Variants in ABCC5 observed in about 807,000 individuals in gnomAD.
The protein encoded by ABCC5 is ATP-binding cassette sub-family C member 5.
ABCC5 carries 61 observed loss-of-function variants against 160.9 expected under a neutral mutation model. The ratio of observed to expected loss-of-function variants is 0.38; its 90% CI spans 0.31 to 0.47. ABCC5 has a LOEUF of 0.47. Among genes scored for constraint, ABCC5 ranks in the 20% least tolerant of loss-of-function variants. The probability of loss-of-function intolerance (pLI) is 0.99; values close to 1 mark genes in which losing one functional copy is unlikely to be tolerated. For synonymous variants in ABCC5, 666 were observed against 700.6 expected, an observed-to-expected ratio of 0.95 and a Z score of 0.78; for missense variants, 1,308 against 1,813.3, an observed-to-expected ratio of 0.72 and a Z score of 5.06.
At position 183,949,688 on chromosome 3, in the gene ABCC5, G is replaced by A. The variant is rs888063894; in HGVS notation, c.3227+65C>T. The A allele has an allele frequency of 4.6e-5, 72 of 1,580,206 alleles. 1 individual carries two copies. In the East Asian group the frequency reaches 7.0e-4, roughly 15 times the overall value. ...CATCTCTGGCCTTGAAGAGCCTCCC[G>A]GACAAGTATCAAACGCTGGGATGCT... is the stretch of plus-strand genomic sequence containing the variant. On this transcript the variant is annotated intron_variant, in intron 22 of 29. Coordinates refer to ENST00000334444, the MANE Select transcript of ABCC5 (RefSeq NM_005688.4). The surrounding 1 kb of genome is among the most constrained non-coding windows in gnomAD (Gnocchi z 4.2).
intron 10 of ABCC5, among the ~76,000 whole-genome samples, chr3:183,976,270 C>T (rs1235311259): frequency 6.6e-6 from 1 of 151,522 alleles, no homozygotes; most frequent in Non-Finnish European, 1.5e-5. Flanking sequence ...AAAACAAAAA[C>T]ACAGATAAGA....
In ABCC5 at chr3:183,982,983, C is replaced by G. The variant is rs779563922; in HGVS notation, c.616G>C (p.Glu206Gln). 3.1e-6 allele frequency: 5 copies of G among 1,614,182 alleles called. No individual in the cohort carries two copies. The highest frequency in any genetic ancestry group is 4.2e-6 in the Non-Finnish European group (5 of 1,180,036). The change falls in exon 6 of 30, where the codon GAG becomes CAG. Residue 206 changes from glutamate (E) to glutamine (Q), a missense_variant. This residue lies in a region of ABCC5 where 1,142 missense variants were observed against 1,527.1 expected (regional missense o/e 0.75). Transcript: ENST00000334444. This position sits in a 1 kb window ranked among gnomAD's most constrained non-coding sequence, Gnocchi z 5.2. ...GPAFMVKHLLEYTQATESNLQ... is the reference protein window; with the variant it reads ...GPAFMVKHLLQYTQATESNLQ... ...TTAGACTCTGTTGCCTGGGTATACT[C>G]CAAGAGGTGTTTCACCATGAAGGCC...
At position 183,923,350 on chromosome 3, in the gene ABCC5, C is replaced by G. The variant is rs191903107; in HGVS notation, c.4213-1949G>C. ...TTAAGAAAAAATTTCCAGCTGGGCA[C>G]AGTAGCTTGTGCCTGTAATCCCAGC... On this transcript the variant is annotated intron_variant, in intron 29 of 29. Coordinates refer to ENST00000334444, the MANE Select transcript of ABCC5 (RefSeq NM_005688.4). Among the ~76,000 whole-genome samples the G allele has an allele frequency of 2.0e-4, 30 of 152,230 alleles. 1 individual carries two copies. In the East Asian group the frequency reaches 5.4e-3, roughly 27 times the overall value.
intron 26 of ABCC5, among the ~76,000 whole-genome samples, chr3:183,935,415 C>T (rs1208498856): frequency 3.4e-5 from 5 of 144,986 alleles, no homozygotes; most frequent in Admixed American, 6.8e-5. Flanking sequence ...CTCCTGACCT[C>T]GTGATCCGCC....
At chr3:183,989,111 C>A in intron 3 of ABCC5, 115 bp downstream of exon 3, 1 of 1,038,572 alleles carries the variant, frequency 9.6e-7, no homozygotes. Context: ...GCGGAGGTTG[C>A]AGTGAGCCGA....
chr3:183,979,267 C>T (rs555074343), intron 8 of ABCC5, among the ~76,000 whole-genome samples: 36 of 151,780 alleles, frequency 2.4e-4, no homozygotes, highest in African/African-American at 8.2e-4. Flanking sequence ...ATTGCCTGAA[C>T]CTGGGAGGTG....
intron 26 of ABCC5, among the ~76,000 whole-genome samples, chr3:183,929,608 G>A (rs576704354): frequency 2.0e-5 from 3 of 152,232 alleles, no homozygotes; most frequent in East Asian, 3.9e-4. Flanking sequence ...GAGGAAGAAG[G>A]AGAGAAAGAA....
Position 183,937,892 on chromosome 3 carries a change from G to A in ABCC5, c.3854+9C>T. 6.2e-7 allele frequency: 1 copy of A among 1,613,872 alleles called. No homozygotes were observed. Among genetic ancestry groups the A allele is most frequent in the South Asian group, 1.1e-5 (1 of 91,038 alleles). ...GACGCACGAGACATGCAGGTGCTCA[G>A]GTCCTCACCTGACAGTGCCACTGAA... On this transcript the variant is annotated intron_variant, in intron 26 of 29. Transcript: ENST00000334444.
chr3:183,946,982 T>G (rs2108789937), intron 23 of ABCC5, among the ~76,000 whole-genome samples: 1 of 152,294 alleles, frequency 6.6e-6, no homozygotes, highest in South Asian at 2.1e-4. Context: ...CTTAGAAGAC[T>G]AGAAAGAGGC....
At chr3:184,004,525 A>AG (rs1721017057) in intron 2 of ABCC5, among the ~76,000 whole-genome samples, 1 of 151,842 alleles carries the variant, frequency 6.6e-6, no homozygotes, top group South Asian at 2.1e-4. Context: ...AAAAAAAAAA[A>AG]AAGGCCAAAA....
At position 183,978,592 on chromosome 3, in the gene ABCC5, C is replaced by T. The variant is rs1373336145; in HGVS notation, c.1207G>A (p.Val403Met). 1 of 1,614,108 alleles carries T rather than the reference C, an allele frequency of 6.2e-7. No homozygotes were observed. Among genetic ancestry groups the T allele is most frequent in the Admixed American group, 1.7e-5 (1 of 60,024 alleles). The change falls in exon 9 of 30, where the codon GTG (valine) becomes ATG (methionine). Residue 403 changes from valine to methionine, a missense_variant. This residue lies in a region of ABCC5 where 1,142 missense variants were observed against 1,527.1 expected (regional missense o/e 0.75). Coordinates refer to ENST00000334444, the MANE Select transcript of ABCC5 (RefSeq NM_005688.4). ...ACCACCACAATGGGAGCCACACCCA[C>T]AGTGATGCTCTGGAAGTACCCAGCT... is the stretch of plus-strand genomic sequence containing the variant. ...EKAGYFQSIT[V>M]GVAPIVVVIA...
intron 10 of ABCC5, among the ~76,000 whole-genome samples, chr3:183,973,145 C>T (rs1717920353): frequency 6.7e-6 from 1 of 150,004 alleles, no homozygotes; most frequent in Admixed American, 6.7e-5. Context: ...AGCTCCGCCT[C>T]CTGAGTTCAC....
chr3:183,949,847 T>C lies in ABCC5; in HGVS notation c.3133A>G (p.Ile1045Val). The C allele has an allele frequency of 6.2e-7, 1 of 1,614,204 alleles. No homozygotes were observed. Among genetic ancestry groups the C allele is most frequent in the Non-Finnish European group, 8.5e-7 (1 of 1,180,042 alleles). Residue 1045 changes from isoleucine to valine, a missense_variant, in exon 22 of 30, where the codon ATC becomes GTC. Coordinates refer to ENST00000334444, the MANE Select transcript of ABCC5 (RefSeq NM_005688.4). The surrounding 1 kb of genome is among the most constrained non-coding windows in gnomAD (Gnocchi z 4.2). ...TGGGAGAGGAAAGGTGACTGCGTGATATTGTCCAGACGCTTCAGCTCCCGA... is the reference window on the plus strand; with the variant it reads ...TGGGAGAGGAAAGGTGACTGCGTGACATTGTCCAGACGCTTCAGCTCCCGA... ...LIRELKRLDN[I>V]TQSPFLSHIT... is the part of the protein sequence containing the mutation.
Position 183,949,112 on chromosome 3 carries a change from C to T in ABCC5, c.3227+641G>A, listed in dbSNP as rs1036895879. 1.3e-5 allele frequency among the ~76,000 whole-genome samples: 2 copies of T among 152,190 alleles called. No homozygotes were observed. Among genetic ancestry groups the T allele is most frequent in the Non-Finnish European group, 2.9e-5 (2 of 68,042 alleles). On this transcript the variant is annotated intron_variant, in intron 22 of 29. Coordinates refer to ENST00000334444, the MANE Select transcript of ABCC5 (RefSeq NM_005688.4). This position sits in a 1 kb window ranked among gnomAD's most constrained non-coding sequence, Gnocchi z 4.2. ...TCACTAATATATGCTGGAGATCATT[C>T]CCTATCAGTACCTATAGAGCTCCCT... is the stretch of plus-strand genomic sequence containing the variant.
intron 28 of ABCC5, among the ~76,000 whole-genome samples, chr3:183,926,785 G>A (rs911126900): frequency 6.6e-6 from 1 of 152,166 alleles, no homozygotes; most frequent in South Asian, 2.1e-4. Context: ...GGTGGCTCAC[G>A]CCTGTAATCC....
intron 1 of ABCC5, among the ~76,000 whole-genome samples, chr3:184,016,442 C>G (rs937366887): frequency 6.6e-6 from 1 of 152,168 alleles, no homozygotes; most frequent in Non-Finnish European, 1.5e-5. Context: ...TAAAAGAGGG[C>G]ACCCCACGTG....
In ABCC5 at chr3:183,947,514, T is replaced by C; in HGVS notation, c.3228-4A>G. 2 of 1,583,884 alleles carry C rather than the reference T, an allele frequency of 1.3e-6. No individual in the cohort carries two copies. Among genetic ancestry groups the C allele is most frequent in the South Asian group, 1.1e-5 (1 of 88,004 alleles). ...GTCATCCAGCAGCTCCTGGTATCTG[T>C]GAGAAAGACAACACTTAATGGGCAA... On this transcript the variant is annotated splice_polypyrimidine_tract_variant and splice_region_variant and intron_variant, in intron 22 of 29. Coordinates refer to ENST00000334444, the MANE Select transcript of ABCC5 (RefSeq NM_005688.4).
chr3:183,953,261 A>G lies in ABCC5; in HGVS notation c.2492T>C (p.Val831Ala). 1 of 1,608,852 alleles carries G rather than the reference A, an allele frequency of 6.2e-7. No homozygotes were observed. Among genetic ancestry groups the G allele is most frequent in the African/African-American group, 1.3e-5 (1 of 74,846 alleles). ...ACCCTGCCCTTTCTCTTCCAGCTGC[A>G]CAAGCTGCCCTAGGTAAGAAAAAAA... ...KAVKPEEGQL[V>A]QLEEKGQGSV... Residue 831 changes from valine to alanine, a missense_variant, in exon 18 of 30, where the codon GTG becomes GCG. Physicochemically the swap from Val to Ala is moderately conservative, Grantham distance 64. Around this residue, in one of 3 missense-constraint regions of ABCC5, gnomAD observed 1,142 missense variants for 1,527.1 expected, o/e 0.75. Transcript: ENST00000334444.
At position 183,971,955 on chromosome 3, in the gene ABCC5, C is replaced by T. The variant is rs759619415; in HGVS notation, c.1405-36G>A. On this transcript the variant is annotated intron_variant, in intron 10 of 29. Transcript: ENST00000334444. ...TTGTGAGAGAGGTGCAAAGATGAGA[C>T]ACTGGATCAAGACCAGGGAGACAAG... 7 of 1,611,302 alleles carry T rather than the reference C, an allele frequency of 4.3e-6. No homozygotes were observed. In the African/African-American group the frequency reaches 9.3e-5, roughly 22 times the overall value.
Sources: gnomAD v4.1 joint callset for allele counts (sites outside exome capture counted in the v4.1 genomes callset) on GRCh38, gnomAD v4.1.1 for gene constraint, gnomAD v4.1.1 regional missense constraint, Gnocchi (gnomAD v3.1) non-coding constraint, MANE v1.5 for transcripts, NCBI Gene and HGNC (gene_info 2026-07-23, HGNC 2026-07-21) for gene names.